The following GAREM1 variants were observed in gnomAD, a reference collection of about 807,000 sequenced individuals.
GAREM1 encodes GRB2-associated and regulator of MAPK protein 1.
Under a neutral mutation model 71.3 loss-of-function variants are expected in GAREM1, and 26 were observed. That is an observed-to-expected ratio of 0.36 (90% CI 0.27 to 0.51). The LOEUF is 0.51. Ranked by LOEUF, GAREM1 falls within the 20% of genes least tolerant of loss-of-function variation. GAREM1 has a pLI of 0.95. For synonymous variants in GAREM1, 440 were observed against 433.2 expected, an observed-to-expected ratio of 1.02 and a Z score of -0.20; for missense variants, 1,026 against 1,103.1, an observed-to-expected ratio of 0.93 and a Z score of 0.99.
chr18:32,364,009 TATATATATATATA>T (rs2047896395), intron 2 of GAREM1, among the ~76,000 whole-genome samples: 1 of 50,590 alleles, frequency 2.0e-5, no homozygotes, highest in African/African-American at 1.0e-4. Context: ...TATATATATA[TATATATATATATA>T]TATATGTTTT....
chr18:32,425,633 T>A (rs1197366438), intron 1 of GAREM1, among the ~76,000 whole-genome samples: 1 of 152,198 alleles, frequency 6.6e-6, no homozygotes, highest in African/African-American at 2.4e-5. Flanking sequence ...TAATATTGTG[T>A]CCAAGACTCT....
At chr18:32,404,937 G>C (rs752255119) in intron 1 of GAREM1, among the ~76,000 whole-genome samples, 42 of 152,254 alleles carry the variant, frequency 2.8e-4, no homozygotes, top group Admixed American at 5.9e-4. Flanking sequence ...TTATGTCATA[G>C]CTAAATCTAT....
chr18:32,439,839 A>G (rs774335894), intron 1 of GAREM1, among the ~76,000 whole-genome samples: 1 of 152,144 alleles, frequency 6.6e-6, no homozygotes, highest in African/African-American at 2.4e-5. Flanking sequence ...TCTTACAAAA[A>G]CAGTCACACA....
At chr18:32,456,161 A>G (rs1478704660) in intron 1 of GAREM1, among the ~76,000 whole-genome samples, 2 of 152,150 alleles carry the variant, frequency 1.3e-5, no homozygotes, top group East Asian at 3.9e-4. Flanking sequence ...TTAAATGGAA[A>G]AATGTAGATT....
chr18:32,287,257 C>T lies in GAREM1; in HGVS notation c.1340G>A (p.Gly447Glu). ...EASEESAGIP[G>E]KSELPYEELW... Reference sequence around the variant, plus strand: ...CTCTTCGTAGGGAAGTTCTGACTTTCCCGGGATGCCTGCTGATTCTTCACT... The same window carrying T: ...CTCTTCGTAGGGAAGTTCTGACTTTTCCGGGATGCCTGCTGATTCTTCACT... The change falls in exon 4 of 6, where the codon GGA becomes GAA. Residue 447 changes from glycine to glutamate, a missense_variant. Coordinates refer to ENST00000269209, the MANE Select transcript of GAREM1 (RefSeq NM_001242409.2). This position sits in a 1 kb window ranked among gnomAD's most constrained non-coding sequence, Gnocchi z 5.9. 1 of 1,614,228 alleles carries T rather than the reference C, an allele frequency of 6.2e-7. No homozygotes were observed. Among genetic ancestry groups the T allele is most frequent in the South Asian group, 1.1e-5 (1 of 91,086 alleles).
intron 1 of GAREM1, among the ~76,000 whole-genome samples, chr18:32,446,225 T>C (rs984030868): frequency 5.2e-5 from 5 of 96,374 alleles, no homozygotes; most frequent in Admixed American, 4.4e-4. Context: ...TTCCCCATAG[T>C]GTGTGTGTGT....
chr18:32,443,704 G>T (rs538006844), intron 1 of GAREM1, among the ~76,000 whole-genome samples: 1 of 152,256 alleles, frequency 6.6e-6, no homozygotes, highest in African/African-American at 2.4e-5. Flanking sequence ...CTCTGGAAAA[G>T]AGTTTGATAG....
intron 2 of GAREM1, among the ~76,000 whole-genome samples, chr18:32,317,741 C>T (rs959207513): frequency 2.1e-5 from 3 of 146,032 alleles, no homozygotes; most frequent in African/African-American, 5.1e-5. Flanking sequence ...GATTAGCCAA[C>T]GTTAAGTACT....
chr18:32,334,460 A>G (rs2047568933), intron 2 of GAREM1, among the ~76,000 whole-genome samples: 1 of 152,064 alleles, frequency 6.6e-6, no homozygotes, highest in South Asian at 2.1e-4. Context: ...GAGTGGGGGG[A>G]GGATGGACAA....
intron 2 of GAREM1, among the ~76,000 whole-genome samples, chr18:32,311,119 T>A (rs1374290590): frequency 6.6e-6 from 1 of 152,258 alleles, no homozygotes; most frequent in Non-Finnish European, 1.5e-5. Context: ...GGATCTATCA[T>A]GTTGTTGTTT....
At chr18:32,377,380 C>A (rs1194083169) in intron 2 of GAREM1, among the ~76,000 whole-genome samples, 1 of 152,126 alleles carries the variant, frequency 6.6e-6, no homozygotes, top group Non-Finnish European at 1.5e-5. Flanking sequence ...CATCTCAGAG[C>A]CTGTGTCATC....
chr18:32,462,359 T>C (rs1290150989), intron 1 of GAREM1, among the ~76,000 whole-genome samples: 1 of 152,244 alleles, frequency 6.6e-6, no homozygotes, highest in East Asian at 1.9e-4. Flanking sequence ...CCATTCCTGA[T>C]TAATGACGGA....
chr18:32,396,676 C>T (rs1173776144), intron 1 of GAREM1, among the ~76,000 whole-genome samples: 1 of 152,212 alleles, frequency 6.6e-6, no homozygotes, highest in Admixed American at 6.5e-5. Context: ...AAATCTACGT[C>T]TGATTGGTGT....
intron 1 of GAREM1, among the ~76,000 whole-genome samples, chr18:32,424,377 G>T (rs1286451536): frequency 1.3e-5 from 2 of 152,146 alleles, no homozygotes; most frequent in Admixed American, 1.3e-4. Context: ...TTCAACTTGG[G>T]ATTCCATTTT....
intron 2 of GAREM1, among the ~76,000 whole-genome samples, chr18:32,363,304 G>T (rs2047885565): frequency 6.6e-6 from 1 of 151,742 alleles, no homozygotes; most frequent in South Asian, 2.1e-4. Flanking sequence ...GCCATTAATT[G>T]TAATTGTAGT....
rs147939762 is a variant in GAREM1, at chr18:32,398,790, A to G, written c.122-5755T>C. Among the ~76,000 whole-genome samples, 2,281 of 152,292 alleles carry G rather than the reference A, an allele frequency of 0.015. 149 individuals are homozygous for G. In the East Asian group the frequency reaches 0.18, roughly 12 times the overall value. The stretch of plus-strand genomic sequence containing the variant: ...TGAAACTATTCCAATCAATAGAAAA[A>G]GAGGGAATCCTCCCTAACTCATTTT... On this transcript the variant is annotated intron_variant, in intron 1 of 5. Transcript: ENST00000269209.
chr18:32,341,886 T>C (rs1316183526), intron 2 of GAREM1, among the ~76,000 whole-genome samples: 1 of 151,744 alleles, frequency 6.6e-6, no homozygotes, highest in East Asian at 1.9e-4. Context: ...CGGCGATGGG[T>C]GATAAAGCCC....
intron 1 of GAREM1, among the ~76,000 whole-genome samples, chr18:32,457,124 T>C (rs2048897518): frequency 7.0e-6 from 1 of 143,236 alleles, no homozygotes; most frequent in Non-Finnish European, 1.5e-5. Context: ...AGGAAGAAAG[T>C]TTGTTAAAAA....
intron 1 of GAREM1, among the ~76,000 whole-genome samples, chr18:32,416,288 T>C (rs1030285468): frequency 2.0e-5 from 3 of 152,262 alleles, no homozygotes; most frequent in African/African-American, 7.2e-5. Context: ...AAAATGCCCA[T>C]ATTACTCAAA....
Sources: allele counts gnomAD v4.1 joint callset (sites outside exome capture counted in the v4.1 genomes callset), GRCh38; gene constraint gnomAD v4.1.1; non-coding constraint Gnocchi (gnomAD v3.1); transcripts MANE v1.5; gene names NCBI Gene and HGNC (gene_info 2026-07-23, HGNC 2026-07-21).